Variants in INPP4B observed in about 807,000 individuals in gnomAD.
The protein encoded by INPP4B is inositol polyphosphate 4-phosphatase type II.
INPP4B carries 55 observed loss-of-function variants against 122.5 expected under a neutral mutation model. The ratio of observed to expected loss-of-function variants is 0.45; its 90% CI spans 0.36 to 0.56. The LOEUF (loss-of-function observed/expected upper bound fraction) is 0.56, where lower values mean the gene tolerates loss of function less well. Ranked by LOEUF, INPP4B falls within the 20% of genes least tolerant of loss-of-function variation. INPP4B has a pLI of 0.00. For synonymous variants in INPP4B, 403 were observed against 388.7 expected, an observed-to-expected ratio of 1.04 and a Z score of -0.43; for missense variants, 1,000 against 1,097.7, an observed-to-expected ratio of 0.91 and a Z score of 1.26.
At chr4:142,649,091 A>G (rs938923194) in intron 2 of INPP4B, among the ~76,000 whole-genome samples, 3 of 152,184 alleles carry the variant, frequency 2.0e-5, no homozygotes, top group African/African-American at 7.2e-5. Flanking sequence ...TCTGGAGTGG[A>G]CTTCCAGCAA....
intron 2 of INPP4B, among the ~76,000 whole-genome samples, chr4:142,578,618 G>A (rs1734353816): frequency 6.6e-6 from 1 of 151,854 alleles, no homozygotes; most frequent in Admixed American, 6.6e-5. Flanking sequence ...AAGGACACGA[G>A]TCAGATTGGA....
chr4:142,106,835 C>A (rs1360320302), intron 23 of INPP4B, among the ~76,000 whole-genome samples: 1 of 152,014 alleles, frequency 6.6e-6, no homozygotes, highest in East Asian at 1.9e-4. Flanking sequence ...GCCTGGGGAC[C>A]ACATATACTT....
At chr4:142,029,334 G>C (rs1421519977) in intron 25 of INPP4B, 1 of 984,398 alleles carries the variant, frequency 1.0e-6, no homozygotes, top group Non-Finnish European at 1.2e-6. Flanking sequence ...TATTAAGTCT[G>C]GCCCTATAGA....
chr4:142,055,608 A>G (rs780237196), intron 25 of INPP4B, among the ~76,000 whole-genome samples: 6 of 150,270 alleles, frequency 4.0e-5, no homozygotes, highest in Non-Finnish European at 7.4e-5. Context: ...GGGCATCAGG[A>G]TAAGTAATCA....
At chr4:142,519,796 G>C (rs536934789) in intron 2 of INPP4B, among the ~76,000 whole-genome samples, 4 of 151,972 alleles carry the variant, frequency 2.6e-5, no homozygotes, top group Non-Finnish European at 1.5e-5. Flanking sequence ...GTTAAAATAT[G>C]ATAAAATTTG....
chr4:142,623,378 C>A (rs1373200454), intron 2 of INPP4B, among the ~76,000 whole-genome samples: 1 of 151,830 alleles, frequency 6.6e-6, no homozygotes, highest in African/African-American at 2.4e-5. Context: ...AGAAAGTCCC[C>A]ACCACATGAC....
intron 17 of INPP4B, among the ~76,000 whole-genome samples, chr4:142,148,583 G>C (rs1454633731): frequency 6.6e-6 from 1 of 152,098 alleles, no homozygotes; most frequent in Non-Finnish European, 1.5e-5. Flanking sequence ...GGAATGTAAG[G>C]GATAGAACAA....
chr4:142,353,165 T>A (rs921630175), intron 7 of INPP4B, among the ~76,000 whole-genome samples: 1 of 152,000 alleles, frequency 6.6e-6, no homozygotes, highest in Non-Finnish European at 1.5e-5. Flanking sequence ...GGCGCAGCTG[T>A]GAATAGTCTA....
intron 23 of INPP4B, among the ~76,000 whole-genome samples, chr4:142,089,413 C>G (rs1485207758): frequency 6.6e-6 from 1 of 150,384 alleles, no homozygotes; most frequent in African/African-American, 2.5e-5. Context: ...AATTTGCTAA[C>G]AGAGTAGATT....
chr4:142,627,751 A>G (rs571307653), intron 2 of INPP4B, among the ~76,000 whole-genome samples: 4 of 152,054 alleles, frequency 2.6e-5, no homozygotes, highest in African/African-American at 4.8e-5. Flanking sequence ...TTGGTATCAG[A>G]ATGATGCTGG....
Position 142,081,376 on chromosome 4 carries a change from C to T in INPP4B, c.2642+655G>A, listed in dbSNP as rs566890250. 7.7e-4 allele frequency among the ~76,000 whole-genome samples: 117 copies of T among 152,246 alleles called. 1 individual carries two copies. The highest frequency in any genetic ancestry group is 1.5e-3 in the Non-Finnish European group (103 of 68,012). Reference sequence around the variant, plus strand: ...ATGAAGCACTTTTTCCTTCCCATTACGGCTTACAGTTTAGATTTAATTACT... The same window carrying T: ...ATGAAGCACTTTTTCCTTCCCATTATGGCTTACAGTTTAGATTTAATTACT... On this transcript the variant is annotated intron_variant, in intron 25 of 25. Transcript: ENST00000262992.
At chr4:142,524,693 C>G (rs919589131) in intron 2 of INPP4B, among the ~76,000 whole-genome samples, 1 of 152,154 alleles carries the variant, frequency 6.6e-6, no homozygotes, top group Non-Finnish European at 1.5e-5. Context: ...AACAACACTT[C>G]ATGCTAAAAA....
Position 142,449,959 on chromosome 4 carries a change from C to G in INPP4B, c.-127+12704G>C, listed in dbSNP as rs60942288. On this transcript the variant is annotated intron_variant, in intron 3 of 25. Transcript: ENST00000262992. ...GTCTCTCCAGCAATTGGTTCATGTCCTACCATCAGCACTTCCCAGGCTGCC... is the reference window on the plus strand; with the variant it reads ...GTCTCTCCAGCAATTGGTTCATGTCGTACCATCAGCACTTCCCAGGCTGCC... Among the ~76,000 whole-genome samples the G allele has an allele frequency of 6.2e-3, 950 of 152,222 alleles. 14 individuals are homozygous for G. The highest frequency in any genetic ancestry group is 0.022 in the African/African-American group (896 of 41,542).
intron 17 of INPP4B, among the ~76,000 whole-genome samples, chr4:142,157,266 A>T (rs1817723006): frequency 1.3e-5 from 2 of 152,070 alleles, no homozygotes; most frequent in Admixed American, 1.3e-4. Context: ...AGTGTTTATG[A>T]CTCTGGTGAA....
intron 2 of INPP4B, among the ~76,000 whole-genome samples, chr4:142,516,201 A>G (rs977412351): frequency 1.3e-5 from 2 of 152,286 alleles, no homozygotes; most frequent in African/African-American, 4.8e-5. Context: ...TCTCAATTCT[A>G]TTACTGCAAA....
intron 12 of INPP4B, among the ~76,000 whole-genome samples, chr4:142,230,706 G>A (rs982897675): frequency 6.7e-5 from 10 of 149,870 alleles, no homozygotes; most frequent in Non-Finnish European, 1.3e-4. Flanking sequence ...TGGATTTGAA[G>A]TGATTTTATC....
At chr4:142,561,029 C>T (rs1730362586) in intron 2 of INPP4B, among the ~76,000 whole-genome samples, 1 of 152,168 alleles carries the variant, frequency 6.6e-6, no homozygotes, top group Non-Finnish European at 1.5e-5. Flanking sequence ...CAGGGAATTA[C>T]TGCCAAATCC....
At chr4:142,195,350 A>T (rs564200371) in intron 14 of INPP4B, among the ~76,000 whole-genome samples, 2 of 152,338 alleles carry the variant, frequency 1.3e-5, no homozygotes, top group East Asian at 1.9e-4. Context: ...TTCCAGAGAT[A>T]TGCTGTATAA....
At chr4:142,317,659 C>T (rs1313091997) in intron 7 of INPP4B, 1 of 152,642 alleles carries the variant, frequency 6.6e-6, no homozygotes, top group Non-Finnish European at 1.5e-5. Flanking sequence ...AGAAATAATT[C>T]TGAGGATTTT....
Sources: gnomAD v4.1 joint callset for allele counts (sites outside exome capture counted in the v4.1 genomes callset) on GRCh38, gnomAD v4.1.1 for gene constraint, MANE v1.5 for transcripts, NCBI Gene and HGNC (gene_info 2026-07-23, HGNC 2026-07-21) for gene names.